Variants in SEMA3A observed in about 807,000 individuals in gnomAD.
The protein encoded by SEMA3A is semaphorin 3A.
Under a neutral mutation model 97.9 loss-of-function variants are expected in SEMA3A, and 29 were observed. The observed-to-expected ratio is 0.30, with a 90% CI of 0.22 to 0.40. The LOEUF is 0.40. Among genes scored for constraint, SEMA3A ranks in the 10% least tolerant of loss-of-function variants. SEMA3A has a pLI of 1.00. For missense variants in SEMA3A, 763 were observed against 951.3 expected (o/e 0.80, Z 2.60); for synonymous variants, 321 against 323.7 (o/e 0.99, Z 0.09).
chr7:84,489,426 G>T (rs1452276133), intron 1 of SEMA3A, among the ~76,000 whole-genome samples: 1 of 152,062 alleles, frequency 6.6e-6, no homozygotes, highest in Non-Finnish European at 1.5e-5. Context: ...ATTCGTAAAT[G>T]AGAATAGGAA....
At chr7:84,373,291 G>T (rs1311607328) in intron 1 of SEMA3A, among the ~76,000 whole-genome samples, 1 of 152,122 alleles carries the variant, frequency 6.6e-6, no homozygotes. Flanking sequence ...AATACATGTT[G>T]AATAGAATCA....
intron 2 of SEMA3A, among the ~76,000 whole-genome samples, chr7:84,345,626 C>A (rs749126743): frequency 6.6e-6 from 1 of 152,134 alleles, no homozygotes. Flanking sequence ...ACTCAAGAAA[C>A]CACTTTCTTA....
intron 1 of SEMA3A, among the ~76,000 whole-genome samples, chr7:84,410,309 A>C (rs775940844): frequency 1.4e-4 from 22 of 152,040 alleles, no homozygotes; most frequent in Admixed American, 3.3e-4. Flanking sequence ...AATTGAGTGC[A>C]GTTTTTCATC....
intron 3 of SEMA3A, among the ~76,000 whole-genome samples, chr7:84,237,221 T>C (rs954444063): frequency 6.6e-6 from 1 of 152,080 alleles, no homozygotes; most frequent in Non-Finnish European, 1.5e-5. Flanking sequence ...AAGACAAACA[T>C]ATGTAGGTAA....
At chr7:84,127,432 C>G (rs1383029264) in intron 3 of SEMA3A, among the ~76,000 whole-genome samples, 3 of 152,068 alleles carry the variant, frequency 2.0e-5, no homozygotes, top group Non-Finnish European at 4.4e-5. Flanking sequence ...TTCCACTTAT[C>G]CTTGTATTCA....
At chr7:84,196,009 C>T (rs1303410255), upstream of SEMA3A, among the ~76,000 whole-genome samples, 1 of 152,070 alleles carries the variant, frequency 6.6e-6, no homozygotes, top group South Asian at 2.1e-4. Context: ...ATTCAGTTTT[C>T]CTCAAAGCTG....
chr7:84,418,577 G>A (rs1804498461), intron 1 of SEMA3A, among the ~76,000 whole-genome samples: 1 of 152,074 alleles, frequency 6.6e-6, no homozygotes, highest in South Asian at 2.1e-4. Flanking sequence ...AAAGGAGGCT[G>A]AAGAAGAGGG....
chr7:84,429,537 T>TAGAG (rs1359502527), intron 1 of SEMA3A, among the ~76,000 whole-genome samples: 3 of 120,470 alleles, frequency 2.5e-5, no homozygotes, highest in African/African-American at 9.6e-5. Context: ...TATATATATA[T>TAGAG]ATATATATAT....
At chr7:84,090,992 G>A (rs908601238) in intron 4 of SEMA3A, among the ~76,000 whole-genome samples, 4 of 150,852 alleles carry the variant, frequency 2.7e-5, no homozygotes, top group South Asian at 2.1e-4. Context: ...ACTTGAACCC[G>A]GGAGACAGAG....
chr7:84,490,941 T>A (rs1806709417), intron 1 of SEMA3A, among the ~76,000 whole-genome samples: 1 of 152,126 alleles, frequency 6.6e-6, no homozygotes, highest in South Asian at 2.1e-4. Context: ...TGACCGCTAT[T>A]CAATGCCAAC....
chr7:84,419,758 A>C (rs535366450), intron 1 of SEMA3A, among the ~76,000 whole-genome samples: 1 of 152,132 alleles, frequency 6.6e-6, no homozygotes, highest in South Asian at 2.1e-4. Context: ...TGCAATAACT[A>C]AATTGAAAAT....
intron 3 of SEMA3A, among the ~76,000 whole-genome samples, chr7:84,240,103 A>G (rs1258957693): frequency 6.6e-6 from 1 of 152,172 alleles, no homozygotes; most frequent in African/African-American, 2.4e-5. Flanking sequence ...ACTGCTTGTA[A>G]ATATTTTAAA....
At chr7:84,051,197 T>C (rs1398846322) in intron 5 of SEMA3A, among the ~76,000 whole-genome samples, 1 of 150,216 alleles carries the variant, frequency 6.7e-6, no homozygotes, top group African/African-American at 2.4e-5. Context: ...ATGCGGGCTC[T>C]TTTTTGGTTC....
chr7:84,204,859 C>A (rs2116305686), intron 3 of SEMA3A, among the ~76,000 whole-genome samples: 1 of 152,268 alleles, frequency 6.6e-6, no homozygotes, highest in Admixed American at 6.5e-5. Context: ...TAGGCAGCTG[C>A]AAATTGAAAG....
At chr7:84,326,379 A>G (rs2115930872) in intron 2 of SEMA3A, among the ~76,000 whole-genome samples, 1 of 152,180 alleles carries the variant, frequency 6.6e-6, no homozygotes, top group Non-Finnish European at 1.5e-5. Flanking sequence ...AACAATAAAT[A>G]TTTTCTTGAA....
At chr7:84,365,342 C>G (rs1205667528) in intron 2 of SEMA3A, among the ~76,000 whole-genome samples, 1 of 151,462 alleles carries the variant, frequency 6.6e-6, no homozygotes, top group Non-Finnish European at 1.5e-5. Flanking sequence ...TCAGAATAGT[C>G]TAGGTATAAG....
At chr7:84,448,941 G>A (rs1805492211) in intron 1 of SEMA3A, among the ~76,000 whole-genome samples, 1 of 152,080 alleles carries the variant, frequency 6.6e-6, no homozygotes, top group Admixed American at 6.5e-5. Context: ...CGGTTCTGGT[G>A]TAAATATATA....
chr7:84,481,738 C>T (rs1299258342), intron 1 of SEMA3A, among the ~76,000 whole-genome samples: 1 of 151,820 alleles, frequency 6.6e-6, no homozygotes, highest in Non-Finnish European at 1.5e-5. Flanking sequence ...TAAAATGTTA[C>T]CTTTAATAGA....
chr7:84,035,194 GCCTCCAGATCT>G (rs1265222239), intron 6 of SEMA3A, among the ~76,000 whole-genome samples: 1 of 151,912 alleles, frequency 6.6e-6, no homozygotes. Context: ...GAAATAATAT[GCCTCCAGATCT>G]TACTGAGACC....
Sources: gnomAD v4.1 joint callset for allele counts (sites outside exome capture counted in the v4.1 genomes callset) on GRCh38, gnomAD v4.1.1 for gene constraint, MANE v1.5 for transcripts, NCBI Gene and HGNC (gene_info 2026-07-23, HGNC 2026-07-21) for gene names.